VPS37A: variants seen among roughly 807,000 people sequenced by gnomAD.
The protein encoded by VPS37A is VPS37A subunit of ESCRT-I.
VPS37A carries 30 observed loss-of-function variants against 49.8 expected under a neutral mutation model. That is an observed-to-expected ratio of 0.60 (90% CI 0.45 to 0.82). The LOEUF (loss-of-function observed/expected upper bound fraction) is 0.82, where lower values mean the gene tolerates loss of function less well. Ranked by LOEUF, VPS37A falls within the 40% of genes least tolerant of loss-of-function variation. VPS37A has a pLI of 0.00. For synonymous variants in VPS37A, 195 were observed against 160.6 expected (o/e 1.21, Z -1.62); for missense variants, 593 against 464.4 (o/e 1.28, Z -2.55).
At position 17,261,036 on chromosome 8, in the gene VPS37A, G is replaced by T. The variant is rs982440158; in HGVS notation, c.126-4871G>T. 2.0e-5 allele frequency among the ~76,000 whole-genome samples: 3 copies of T among 152,136 alleles called. No individual in the cohort carries two copies. The South Asian group carries it at 6.2e-4, about 32-fold the overall frequency. ...TCTCAAGCTTTGGAAGTTTTTCTGT[G>T]ACTATTTCTTGGAATAAGCTTTCTA... is the stretch of plus-strand genomic sequence containing the variant. On this transcript the variant is annotated intron_variant, in intron 1 of 11. Transcript: ENST00000324849.
Position 17,254,323 on chromosome 8 carries a change from A to G in VPS37A, c.125+6954A>G, listed in dbSNP as rs79305537. ...CTGTCATGGGGTTAGTAACTTCCTG[A>G]GGAGTCTCCGCTAGCTTAGAGGCTG... On this transcript the variant is annotated intron_variant, in intron 1 of 11. Coordinates refer to ENST00000324849, the MANE Select transcript of VPS37A (RefSeq NM_152415.3). 8.0e-4 allele frequency among the ~76,000 whole-genome samples: 122 copies of G among 152,248 alleles called. 1 individual carries two copies. In the East Asian group the frequency reaches 0.02, roughly 25 times the overall value.
chr8:17,291,920 A>C (rs10096891), intron 11 of VPS37A, among the ~76,000 whole-genome samples: 1 of 151,932 alleles, frequency 6.6e-6, no homozygotes, highest in Non-Finnish European at 1.5e-5. Context: ...AATAATTGCT[A>C]TGTGGTGCTG....
At chr8:17,273,391 T>C (rs936471931) in intron 4 of VPS37A, among the ~76,000 whole-genome samples, 3 of 152,118 alleles carry the variant, frequency 2.0e-5, no homozygotes, top group Admixed American at 2.0e-4. Context: ...TCTGTTCCTA[T>C]ACAATCCCTA....
At chr8:17,266,105 G>T in intron 2 of VPS37A, 124 bp downstream of exon 2, 2 of 810,212 alleles carry the variant, frequency 2.5e-6, no homozygotes, top group East Asian at 5.5e-5. Flanking sequence ...TTATAAAATA[G>T]TGCACAATTC....
chr8:17,273,510 G>A (rs923818481), intron 4 of VPS37A, among the ~76,000 whole-genome samples: 3 of 152,098 alleles, frequency 2.0e-5, no homozygotes, highest in Non-Finnish European at 2.9e-5. Context: ...GGGACTACAG[G>A]CGCCCACCAC....
chr8:17,300,331 G>T (rs929790687), downstream of VPS37A: 6 of 1,227,316 alleles, frequency 4.9e-6, no homozygotes, highest in Admixed American at 2.8e-5. Flanking sequence ...ATAATGTTAA[G>T]AACATGTGAC....
Position 17,274,783 on chromosome 8 carries a change from C to T in VPS37A, c.467C>T (p.Pro156Leu). 4 of 1,614,078 alleles carry T rather than the reference C, an allele frequency of 2.5e-6. No individual in the cohort carries two copies. Among genetic ancestry groups the T allele is most frequent in the Non-Finnish European group, 3.4e-6 (4 of 1,179,994 alleles). ...GMSPYASQGF[P>L]FLPPYPPQEA... Reference sequence around the variant, plus strand: ...TCTCCTTATGCTTCTCAGGGTTTTCCATTTCTTCCTCCATATCCTCCACAA... The same window carrying T: ...TCTCCTTATGCTTCTCAGGGTTTTCTATTTCTTCCTCCATATCCTCCACAA... The change falls in exon 5 of 12, where the codon CCA (proline) becomes CTA (leucine). Residue 156 changes from proline (P) to leucine (L), a missense_variant. By Grantham distance (98) the Pro-to-Leu change is moderately conservative (BLOSUM62 -3). Coordinates refer to ENST00000324849, the MANE Select transcript of VPS37A (RefSeq NM_152415.3).
chr8:17,305,331 T>C (rs1817380668), downstream of VPS37A, among the ~76,000 whole-genome samples: 1 of 152,230 alleles, frequency 6.6e-6, no homozygotes, highest in Admixed American at 6.5e-5. Context: ...TTATCTACTT[T>C]TACCCTTGGA....
At chr8:17,294,600 C>G (rs1315974306) in intron 11 of VPS37A, among the ~76,000 whole-genome samples, 1 of 152,194 alleles carries the variant, frequency 6.6e-6, no homozygotes, top group Non-Finnish European at 1.5e-5. Flanking sequence ...ATCTCCTGGT[C>G]TGTGGGTTGC....
downstream of VPS37A, among the ~76,000 whole-genome samples, chr8:17,303,563 C>A (rs990761729): frequency 6.6e-6 from 1 of 151,488 alleles, no homozygotes; most frequent in Non-Finnish European, 1.5e-5. Flanking sequence ...CCTAGTAGAA[C>A]TTGTAGGATG....
downstream of VPS37A, among the ~76,000 whole-genome samples, chr8:17,306,591 C>G (rs1232459101): frequency 6.6e-6 from 1 of 152,140 alleles, no homozygotes; most frequent in African/African-American, 2.4e-5. Context: ...GACTCCTTAG[C>G]CCTTTACACT....
downstream of VPS37A, chr8:17,300,311 C>T (rs1817032535): frequency 7.4e-7 from 1 of 1,347,624 alleles, no homozygotes; most frequent in Admixed American, 2.5e-5. Flanking sequence ...TTGTTACCTC[C>T]CACGTGGGTA....
Position 17,247,260 on chromosome 8 carries a change from C to T in VPS37A, c.16C>T (p.Pro6Ser), listed in dbSNP as rs559457050. MSWLFPLTKSASSSAA... is the reference protein window; with the variant it reads MSWLFSLTKSASSSAA... Reference sequence around the variant, plus strand: ...CCCGAGGAGGATGAGCTGGCTTTTTCCCCTGACCAAGAGCGCCTCCTCCTC... The same window carrying T: ...CCCGAGGAGGATGAGCTGGCTTTTTTCCCTGACCAAGAGCGCCTCCTCCTC... The change falls in exon 1 of 12, where the codon CCC (proline) becomes TCC (serine). Residue 6 changes from proline to serine, a missense_variant. By Grantham distance (74) the Pro-to-Ser change is moderately conservative. Coordinates refer to ENST00000324849, the MANE Select transcript of VPS37A (RefSeq NM_152415.3). 23 of 1,571,482 alleles carry T rather than the reference C, an allele frequency of 1.5e-5. No individual in the cohort carries two copies. The highest frequency in any genetic ancestry group is 1.8e-5 in the Admixed American group (1 of 54,468).
downstream of VPS37A, chr8:17,304,535 TA>T (rs1186830901): frequency 1.2e-6 from 2 of 1,610,546 alleles, no homozygotes; most frequent in South Asian, 2.2e-5. Flanking sequence ...ATAAAGAAAA[TA>T]AGTCTATAAA....
intron 1 of VPS37A, chr8:17,248,085 A>C (rs984623369): frequency 2.6e-6 from 1 of 383,218 alleles, no homozygotes; most frequent in Non-Finnish European, 4.9e-6. Flanking sequence ...ATATTATTTC[A>C]ACTTTTACTG....
the VPS37A span, among the ~76,000 whole-genome samples, chr8:17,315,915 A>G: frequency 6.6e-6 from 1 of 152,212 alleles, no homozygotes; most frequent in Non-Finnish European, 1.5e-5. Flanking sequence ...TGGGAGGCTG[A>G]GTTGAGAGGA....
chr8:17,317,731 T>C, the VPS37A span, among the ~76,000 whole-genome samples: 3 of 152,238 alleles, frequency 2.0e-5, no homozygotes, highest in East Asian at 1.9e-4. Flanking sequence ...ATTCCAGAGA[T>C]TGTCTAAGGA....
At chr8:17,310,706 C>T in the VPS37A span, among the ~76,000 whole-genome samples, 21 of 152,306 alleles carry the variant, frequency 1.4e-4, no homozygotes, top group African/African-American at 3.8e-4. Context: ...CCTGCCTCTT[C>T]GCTCTTGTCC....
At chr8:17,259,623 T>G (rs1448214885) in intron 1 of VPS37A, among the ~76,000 whole-genome samples, 1 of 152,106 alleles carries the variant, frequency 6.6e-6, no homozygotes, top group Admixed American at 6.5e-5. Context: ...TGGTGTTTCT[T>G]TATTGATTTT....
Sources: gnomAD v4.1 joint callset for allele counts (sites outside exome capture counted in the v4.1 genomes callset) on GRCh38, gnomAD v4.1.1 for gene constraint, MANE v1.5 for transcripts, NCBI Gene and HGNC (gene_info 2026-07-23, HGNC 2026-07-21) for gene names.